Variants in ELFN2 observed in about 807,000 individuals in gnomAD.
ELFN2 encodes the protein extracellular leucine rich repeat and fibronectin type III domain containing 2.
Under a neutral mutation model 45.5 loss-of-function variants are expected in ELFN2, and 17 were observed. The observed-to-expected ratio is 0.37, with a 90% CI of 0.26 to 0.56. The LOEUF (loss-of-function observed/expected upper bound fraction) is 0.56. Among genes scored for constraint, ELFN2 ranks in the 20% least tolerant of loss-of-function variants. The probability of loss-of-function intolerance (pLI) is 0.77; values close to 1 mark genes in which losing one functional copy is unlikely to be tolerated. For synonymous variants in ELFN2, 550 were observed against 551.5 expected, an observed-to-expected ratio of 1.00 and a Z score of 0.04; for missense variants, 922 against 1,183.2, an observed-to-expected ratio of 0.78 and a Z score of 3.24.
At chr22:37,351,449 C>A (rs763399526) in intron 1 of ELFN2, among the ~76,000 whole-genome samples, 4 of 150,250 alleles carry the variant, frequency 2.7e-5, no homozygotes, top group Non-Finnish European at 4.5e-5. Context: ...CCTCGAGTGA[C>A]AGGTGCTGGG....
In ELFN2 at chr22:37,374,143, C is replaced by G; in HGVS notation, c.1392G>C (p.Val464=). 6.2e-7 allele frequency: 1 copy of G among 1,613,076 alleles called. No homozygotes were observed. Among genetic ancestry groups the G allele is most frequent in the Admixed American group, 1.7e-5 (1 of 60,030 alleles). Residue 464 remains valine, a synonymous_variant, in exon 3 of 3, where the codon GTG becomes GTC. Coordinates refer to ENST00000402918, the MANE Select transcript of ELFN2 (RefSeq NM_052906.5). ...HAAQKLGEPP[V]LPVSRMASIP... is the part of the protein sequence containing the mutation. Reference sequence around the variant, plus strand: ...TGGAGGCCATGCGAGATACGGGCAGCACGGGAGGCTCGCCCAGCTTCTGGG... The same window carrying G: ...TGGAGGCCATGCGAGATACGGGCAGGACGGGAGGCTCGCCCAGCTTCTGGG...
chr22:37,364,625 G>A (rs928376490), downstream of ELFN2, among the ~76,000 whole-genome samples: 4 of 152,236 alleles, frequency 2.6e-5, no homozygotes, highest in African/African-American at 9.6e-5. Flanking sequence ...GTAGACACAG[G>A]CCAGGGATGA....
intron 1 of ELFN2, among the ~76,000 whole-genome samples, chr22:37,347,549 G>A (rs918149386): frequency 1.3e-5 from 2 of 151,986 alleles, no homozygotes; most frequent in African/African-American, 4.8e-5. Context: ...ATGTACCTGG[G>A]GCCTGCAGCC....
intron 2 of ELFN2, among the ~76,000 whole-genome samples, chr22:37,412,883 G>C (rs1014088106): frequency 1.8e-4 from 28 of 152,254 alleles, no homozygotes; most frequent in African/African-American, 6.5e-4. Context: ...TCCTCCCCGG[G>C]TGACCCAGGA....
intron 1 of ELFN2, chr22:37,418,717 C>G (rs372658544): frequency 6.6e-6 from 1 of 152,504 alleles, no homozygotes; most frequent in East Asian, 1.9e-4. Flanking sequence ...AAGACACCCT[C>G]GCCCTCGGCA....
At chr22:37,398,443 G>A (rs7291485) in intron 2 of ELFN2, among the ~76,000 whole-genome samples, 14,831 of 151,656 alleles carry the variant, frequency 0.098, 1,541 homozygotes, top group African/African-American at 0.26. Flanking sequence ...CCACTGAGCC[G>A]CCCTGGGCTC....
rs1036196319 is a variant in ELFN2 at position 37,375,640 on chromosome 22, G to A, written c.-106C>T. The A allele has an allele frequency of 1.5e-6, 2 of 1,368,434 alleles. No individual in the cohort carries two copies. The highest frequency in any genetic ancestry group is 1.9e-6 in the Non-Finnish European group (2 of 1,026,754). The allele number at this position is 1,368,434 out of a possible 1,614,324, so 84.8% of individuals were successfully genotyped here. On this transcript the variant is annotated 5_prime_UTR_variant, in exon 3 of 3. Coordinates refer to ENST00000402918, the MANE Select transcript of ELFN2 (RefSeq NM_052906.5). Reference sequence around the variant, plus strand: ...CCCTGGGGCCGCCACCATCTTGGGGGCGACCCCCAGCACGGGGGCCCCAGG... The same window carrying A: ...CCCTGGGGCCGCCACCATCTTGGGGACGACCCCCAGCACGGGGGCCCCAGG...
At position 37,372,500 on chromosome 22, in the gene ELFN2, C is replaced by CTAAGCTGCTGTGTGA. The variant is rs1931395014; in HGVS notation, c.*557_*571dup. ...GGCTGGGAAGTTGGGGGACTTGAGG[C>CTAAGCTGCTGTGTGA]TAAGCTGCTGTGTGACCCTGGGGTT... On this transcript the variant is annotated 3_prime_UTR_variant, in exon 3 of 3. Coordinates refer to ENST00000402918, the MANE Select transcript of ELFN2 (RefSeq NM_052906.5). This position sits in a 1 kb window ranked among gnomAD's most constrained non-coding sequence, Gnocchi z 4.4. The CTAAGCTGCTGTGTGA allele has an allele frequency of 1.3e-5, 2 of 153,056 alleles. No homozygotes were observed. Among genetic ancestry groups the CTAAGCTGCTGTGTGA allele is most frequent in the South Asian group, 4.1e-4 (2 of 4,852 alleles). 9.5% of individuals were successfully genotyped at this position (153,056 alleles called of 1,614,324 possible). A position where few individuals can be genotyped will look rare whatever the true frequency, so the allele number is the denominator to read the frequency against.
chr22:37,401,490 G>A (rs1932359418), intron 2 of ELFN2, among the ~76,000 whole-genome samples: 1 of 152,216 alleles, frequency 6.6e-6, no homozygotes, highest in South Asian at 2.1e-4. Flanking sequence ...CCAAGCCACT[G>A]TGATGGGATT....
chr22:37,381,557 G>GC (rs1282275242), intron 2 of ELFN2, among the ~76,000 whole-genome samples: 1 of 149,106 alleles, frequency 6.7e-6, no homozygotes, highest in Non-Finnish European at 1.5e-5. Context: ...ACCTTCTCTA[G>GC]CCCCCCAGTC....
intron 2 of ELFN2, among the ~76,000 whole-genome samples, chr22:37,390,583 G>T (rs1054797682): frequency 2.2e-5 from 3 of 138,684 alleles, no homozygotes; most frequent in Non-Finnish European, 4.6e-5. Flanking sequence ...CCCCCAGAGG[G>T]TTCAAAGGCA....
At chr22:37,355,471 G>A (rs548871801) in intron 1 of ELFN2, among the ~76,000 whole-genome samples, 80 of 152,342 alleles carry the variant, frequency 5.3e-4, no homozygotes, top group Non-Finnish European at 7.6e-4. Context: ...AGCACCTGCC[G>A]TGGTGGCGAG....
chr22:37,401,441 T>G (rs1932358747), intron 2 of ELFN2, among the ~76,000 whole-genome samples: 1 of 152,176 alleles, frequency 6.6e-6, no homozygotes, highest in African/African-American at 2.4e-5. Context: ...TGAGGAGGCT[T>G]GGAACAGTTT....
At position 37,374,214 on chromosome 22, in the gene ELFN2, T is replaced by G. The variant is rs964842465; in HGVS notation, c.1321A>C (p.Met441Leu). 1.2e-6 allele frequency: 2 copies of G among 1,613,816 alleles called. No individual in the cohort carries two copies. Among genetic ancestry groups the G allele is most frequent in the Middle Eastern group, 1.6e-4 (1 of 6,062 alleles). The change falls in exon 3 of 3, where the codon ATG becomes CTG. Residue 441 changes from methionine to leucine, a missense_variant. This residue lies in a region of ELFN2 where 564 missense variants were observed against 642.8 expected (regional missense o/e 0.88). Coordinates refer to ENST00000402918, the MANE Select transcript of ELFN2 (RefSeq NM_052906.5). ...GCATCCACATCAGCCCCGTAGCGCATCTCCAGGATGGTCTTCTTGACGTTG... is the reference window on the plus strand; with the variant it reads ...GCATCCACATCAGCCCCGTAGCGCAGCTCCAGGATGGTCTTCTTGACGTTG... ...SVNVKKTILE[M>L]RYGADVDAGS... is the part of the protein sequence containing the mutation.
At chr22:37,380,276 G>A (rs1186491946) in intron 2 of ELFN2, among the ~76,000 whole-genome samples, 1 of 152,198 alleles carries the variant, frequency 6.6e-6, no homozygotes, top group Non-Finnish European at 1.5e-5. Flanking sequence ...GAGGTCAGCA[G>A]GGAAGATGCA....
chr22:37,418,082 T>C (rs891063303), intron 1 of ELFN2, among the ~76,000 whole-genome samples, 163 bp from the exon 2 acceptor site: 1 of 151,246 alleles, frequency 6.6e-6, no homozygotes, highest in Non-Finnish European at 1.5e-5. Flanking sequence ...CACAAATGAA[T>C]ATCAGGGTGA....
intron 1 of ELFN2, among the ~76,000 whole-genome samples, chr22:37,355,387 T>G (rs953173654): frequency 6.6e-6 from 1 of 152,200 alleles, no homozygotes; most frequent in Non-Finnish European, 1.5e-5. Context: ...TGATGTCTCA[T>G]TGGCTGAGAC....
At chr22:37,386,817 C>T (rs1417657962) in intron 2 of ELFN2, among the ~76,000 whole-genome samples, 2 of 152,234 alleles carry the variant, frequency 1.3e-5, no homozygotes, top group Non-Finnish European at 2.9e-5. Context: ...CCCTCCCTAA[C>T]GTGCTGCCAA....
At chr22:37,381,014 A>C (rs2145644739) in intron 2 of ELFN2, among the ~76,000 whole-genome samples, 1 of 152,294 alleles carries the variant, frequency 6.6e-6, no homozygotes, top group East Asian at 1.9e-4. Context: ...ACTGCAGGGC[A>C]TAGATGGTGC....
Sources: allele counts gnomAD v4.1 joint callset (sites outside exome capture counted in the v4.1 genomes callset), GRCh38; gene constraint gnomAD v4.1.1; regional missense constraint gnomAD v4.1.1; non-coding constraint Gnocchi (gnomAD v3.1); transcripts MANE v1.5; gene names NCBI Gene and HGNC (gene_info 2026-07-23, HGNC 2026-07-21).